IFT56: variants seen among roughly 807,000 people sequenced by gnomAD.
The protein encoded by IFT56 is intraflagellar transport 56.
the IFT56 span, among the ~76,000 whole-genome samples, chr7:139,155,936 C>G: frequency 6.6e-6 from 1 of 152,006 alleles, no homozygotes; most frequent in African/African-American, 2.4e-5. Flanking sequence ...ATCATTAATC[C>G]AATTTATTTA....
the IFT56 span, among the ~76,000 whole-genome samples, chr7:139,152,747 ACATAT>A: frequency 6.6e-6 from 1 of 152,256 alleles, no homozygotes; most frequent in Non-Finnish European, 1.5e-5. Context: ...GATATAATTA[ACATAT>A]CATACAATTC....
chr7:139,153,583 A>G, the IFT56 span, among the ~76,000 whole-genome samples: 5 of 152,308 alleles, frequency 3.3e-5, no homozygotes, highest in Admixed American at 6.5e-5. Context: ...GAATCATATA[A>G]TATTTGGTCT....
At chr7:139,191,174 G>A in the IFT56 span, 1 of 152,142 alleles carries the variant, frequency 6.6e-6, no homozygotes, top group Non-Finnish European at 1.5e-5. Context: ...TCAGTTCAGA[G>A]CACAAATCAA....
At chr7:139,154,687 A>G in the IFT56 span, among the ~76,000 whole-genome samples, 1 of 152,118 alleles carries the variant, frequency 6.6e-6, no homozygotes, top group Non-Finnish European at 1.5e-5. Context: ...GTTCTCTTCC[A>G]TTGGTCTATA....
the IFT56 span, among the ~76,000 whole-genome samples, chr7:139,172,343 A>G: frequency 6.6e-6 from 1 of 152,170 alleles, no homozygotes; most frequent in Admixed American, 6.5e-5. Flanking sequence ...AACAATTCCT[A>G]ACAGAATAAC....
the IFT56 span, chr7:139,179,559 T>C: frequency 6.2e-7 from 1 of 1,612,240 alleles, no homozygotes; most frequent in Non-Finnish European, 8.5e-7. Context: ...TTCCCTTTCT[T>C]TCCTCTTCTT....
chr7:139,181,697 A>T, the IFT56 span, among the ~76,000 whole-genome samples: 1 of 152,222 alleles, frequency 6.6e-6, no homozygotes, highest in Admixed American at 6.5e-5. Context: ...GGGCCATATG[A>T]TATAGCTTAT....
At chr7:139,142,819 G>A in the IFT56 span, among the ~76,000 whole-genome samples, 17 of 152,176 alleles carry the variant, frequency 1.1e-4, no homozygotes, top group Admixed American at 3.3e-4. Flanking sequence ...GCGACAGCAC[G>A]AGACTGTGTC....
the IFT56 span, chr7:139,173,806 T>A: frequency 4.1e-6 from 3 of 738,382 alleles, no homozygotes; most frequent in East Asian, 7.4e-5. Flanking sequence ...CTCCTGTTAA[T>A]GTAATAACAA....
At chr7:139,165,721 A>G in the IFT56 span, among the ~76,000 whole-genome samples, 3 of 152,120 alleles carry the variant, frequency 2.0e-5, no homozygotes, top group Admixed American at 6.6e-5. Flanking sequence ...CCTAAGTAAG[A>G]TTGAAATTGT....
At chr7:139,184,437 A>G in the IFT56 span, among the ~76,000 whole-genome samples, 26 of 152,334 alleles carry the variant, frequency 1.7e-4, 1 homozygote, top group African/African-American at 5.3e-4. Flanking sequence ...GAAGGAAAAA[A>G]GCCAGTTTCA....
the IFT56 span, among the ~76,000 whole-genome samples, chr7:139,169,687 C>T: frequency 4.8e-3 from 735 of 152,282 alleles, 3 homozygotes; most frequent in Middle Eastern, 0.017. Flanking sequence ...TGCCTTTAAA[C>T]TTTGCCTATG....
At chr7:139,157,697 G>C in the IFT56 span, among the ~76,000 whole-genome samples, 1 of 151,806 alleles carries the variant, frequency 6.6e-6, no homozygotes, top group African/African-American at 2.4e-5. Flanking sequence ...AATAGAGACA[G>C]GTCTCACTAC....
the IFT56 span, chr7:139,133,810 A>C: frequency 1.9e-6 from 3 of 1,613,992 alleles, no homozygotes; most frequent in Non-Finnish European, 2.5e-6. Flanking sequence ...CGAAACGCTG[A>C]GGCGCGGCCT....
At chr7:139,172,479 A>G in the IFT56 span, 1 of 413,888 alleles carries the variant, frequency 2.4e-6, no homozygotes, top group Non-Finnish European at 4.7e-6. Flanking sequence ...GCTGAGCTAG[A>G]TAGAGGAGTT....
chr7:139,159,652 A>G, the IFT56 span, among the ~76,000 whole-genome samples: 2 of 152,232 alleles, frequency 1.3e-5, no homozygotes, highest in Non-Finnish European at 2.9e-5. Context: ...CAATCCATCT[A>G]TCCTCTGTTA....
At chr7:139,184,812 T>C in the IFT56 span, among the ~76,000 whole-genome samples, 5 of 152,080 alleles carry the variant, frequency 3.3e-5, no homozygotes, top group East Asian at 9.7e-4. Context: ...CCCAGCACTT[T>C]GGGAGGCTGA....
chr7:139,181,227 T>C, the IFT56 span: 3 of 1,517,942 alleles, frequency 2.0e-6, no homozygotes, highest in African/African-American at 1.4e-5. Flanking sequence ...AAAGGGAACA[T>C]TAAAGATTCA....
the IFT56 span, among the ~76,000 whole-genome samples, chr7:139,138,692 GACAAAGGA>G: frequency 1.3e-5 from 2 of 152,078 alleles, no homozygotes; most frequent in Non-Finnish European, 1.5e-5. Context: ...GTTATTTTTA[GACAAAGGA>G]ACAATTATAT....
Sources: allele counts gnomAD v4.1 joint callset (sites outside exome capture counted in the v4.1 genomes callset), GRCh38; gene constraint gnomAD v4.1.1; transcripts MANE v1.5; gene names NCBI Gene and HGNC (gene_info 2026-07-23, HGNC 2026-07-21).